BCO2: variants seen among roughly 807,000 people sequenced by gnomAD.
The protein encoded by BCO2 is carotenoid-cleaving dioxygenase, mitochondrial.
A neutral mutation model predicts 65.8 loss-of-function variants in BCO2; 56 were observed. The ratio of observed to expected loss-of-function variants is 0.85; its 90% confidence interval spans 0.69 to 1.06. BCO2 has a LOEUF of 1.06. Ranked by LOEUF, BCO2 falls within the 50% of genes least tolerant of loss-of-function variation. The probability of loss-of-function intolerance (pLI) is 0.00; values close to 1 mark genes in which losing one functional copy is unlikely to be tolerated. For synonymous variants in BCO2, 233 were observed against 242.3 expected (o/e 0.96, Z 0.36); for missense variants, 675 against 698.5 (o/e 0.97, Z 0.38).
intron 2 of BCO2, among the ~76,000 whole-genome samples, chr11:112,180,115 T>A (rs553960212): frequency 6.6e-6 from 1 of 152,364 alleles, no homozygotes; most frequent in South Asian, 2.1e-4. Context: ...GCTTTTAACC[T>A]ACATATATCC....
chr11:112,210,756 GCA>G (rs34029146), intron 8 of BCO2, among the ~76,000 whole-genome samples: 16,652 of 148,102 alleles, frequency 0.11, 1,143 homozygotes, highest in East Asian at 0.32. Flanking sequence ...CTAAATACAC[GCA>G]CACACACACA....
chr11:112,184,305 T>G (rs1592837522), intron 2 of BCO2, among the ~76,000 whole-genome samples: 1 of 150,158 alleles, frequency 6.7e-6, no homozygotes, highest in East Asian at 2.0e-4. Context: ...CAGGCTGGAG[T>G]GCAGTGGTGC....
chr11:112,212,841 A>G (rs1385606673), intron 8 of BCO2, among the ~76,000 whole-genome samples: 1 of 152,230 alleles, frequency 6.6e-6, no homozygotes, highest in Non-Finnish European at 1.5e-5. Flanking sequence ...AGCATAAACT[A>G]TCTGGACAAA....
chr11:112,209,772 A>C (rs979125913), intron 8 of BCO2, among the ~76,000 whole-genome samples: 1 of 152,164 alleles, frequency 6.6e-6, no homozygotes, highest in African/African-American at 2.4e-5. Context: ...TTGATTTTTG[A>C]ATGTTAAGCT....
At chr11:112,198,211 A>G (rs940693648) in intron 5 of BCO2, among the ~76,000 whole-genome samples, 6 of 152,050 alleles carry the variant, frequency 3.9e-5, no homozygotes, top group African/African-American at 1.4e-4. Flanking sequence ...TAATCACAGC[A>G]CTTTGGGAAG....
intron 8 of BCO2, among the ~76,000 whole-genome samples, chr11:112,205,738 T>TGCATG (rs996573439): frequency 2.6e-5 from 4 of 152,160 alleles, no homozygotes; most frequent in South Asian, 2.1e-4. Flanking sequence ...GGATTACAGG[T>TGCATG]GCATGGCACC....
At chr11:112,190,231 C>G (rs1404831817) in intron 2 of BCO2, among the ~76,000 whole-genome samples, 1 of 152,108 alleles carries the variant, frequency 6.6e-6, no homozygotes, top group Non-Finnish European at 1.5e-5. Flanking sequence ...ATGCAGTGAG[C>G]TATGACAGTG....
At chr11:112,192,629 A>C (rs1051819570) in intron 2 of BCO2, among the ~76,000 whole-genome samples, 1 of 151,598 alleles carries the variant, frequency 6.6e-6, no homozygotes, top group Non-Finnish European at 1.5e-5. Context: ...ATAAGATATG[A>C]AGATAACTAT....
Position 112,193,502 on chromosome 11 carries a change from C to A in BCO2, c.322C>A (p.Leu108Met), listed in dbSNP as rs1392063348. Residue 108 changes from leucine (L) to methionine (M), a missense_variant, in exon 3 of 12, where the codon CTG becomes ATG. Physicochemically the swap from Leu to Met is conservative, Grantham distance 15. Coordinates refer to ENST00000357685, the MANE Select transcript of BCO2 (RefSeq NM_031938.7). ...CAATCATTGGTTTGATGGGATGGCGCTGCTTCACCAGTTCAGAATGGCAAA... is the reference window on the plus strand; with the variant it reads ...CAATCATTGGTTTGATGGGATGGCGATGCTTCACCAGTTCAGAATGGCAAA... Reference protein sequence around the residue: ...KYNHWFDGMALLHQFRMAKGT... With the variant: ...KYNHWFDGMAMLHQFRMAKGT... The A allele has an allele frequency of 6.2e-7, 1 of 1,614,104 alleles. No individual in the cohort carries two copies. Among genetic ancestry groups the A allele is most frequent in the Non-Finnish European group, 8.5e-7 (1 of 1,180,028 alleles).
At chr11:112,191,097 A>G (rs554079585) in intron 2 of BCO2, among the ~76,000 whole-genome samples, 1 of 151,806 alleles carries the variant, frequency 6.6e-6, no homozygotes, top group South Asian at 2.1e-4. Context: ...GATGGTCAGT[A>G]TCTTCACTAC....
intron 5 of BCO2, 123 bp from the exon 6 acceptor site, chr11:112,199,576 A>G: frequency 1.3e-6 from 1 of 774,584 alleles, no homozygotes; most frequent in Non-Finnish European, 2.1e-6. Flanking sequence ...CCTTCAGGAA[A>G]TAAGAGTGTC....
At chr11:112,181,150 G>C in intron 2 of BCO2, 1 of 1,233,626 alleles carries the variant, frequency 8.1e-7, no homozygotes. Context: ...AAGGTGTCTG[G>C]GGAAGTAAGC....
rs1325568521 is a variant in BCO2 at position 112,175,631 on chromosome 11, C to T, written c.30C>T (p.Ile10=). ...TTTTTCGAGTCTTTCTCCATTTTATCAGGAGTCATTCTGCCACTGCAGTGG... is the reference window on the plus strand; with the variant it reads ...TTTTTCGAGTCTTTCTCCATTTTATTAGGAGTCATTCTGCCACTGCAGTGG... The part of the protein sequence containing the change: MFFRVFLHF[I]RSHSATAVDF... Residue 10 remains isoleucine, a synonymous_variant, in exon 1 of 12, where the codon ATC becomes ATT. Transcript: ENST00000357685. 2.5e-6 allele frequency: 4 copies of T among 1,614,010 alleles called. No homozygotes were observed.
intron 2 of BCO2, among the ~76,000 whole-genome samples, chr11:112,190,306 A>G (rs948815494): frequency 6.6e-6 from 1 of 152,180 alleles, no homozygotes; most frequent in South Asian, 2.1e-4. Context: ...TACAAAATAT[A>G]TAATACTAAT....
intron 5 of BCO2, among the ~76,000 whole-genome samples, chr11:112,196,405 A>T (rs1475408313): frequency 6.6e-6 from 1 of 152,202 alleles, no homozygotes; most frequent in Non-Finnish European, 1.5e-5. Flanking sequence ...AATGCTTGCT[A>T]GTAATTGCTA....
At chr11:112,178,622 T>A (rs1866947113) in intron 1 of BCO2, among the ~76,000 whole-genome samples, 1 of 152,246 alleles carries the variant, frequency 6.6e-6, no homozygotes, top group African/African-American at 2.4e-5. Context: ...TTTCAGTTCC[T>A]TATTATACAA....
chr11:112,187,369 TG>T (rs757310009), intron 2 of BCO2, among the ~76,000 whole-genome samples: 18 of 151,896 alleles, frequency 1.2e-4, no homozygotes, highest in Non-Finnish European at 2.1e-4. Flanking sequence ...GGCCCAGTCC[TG>T]CTGAGCAGGT....
intron 2 of BCO2, among the ~76,000 whole-genome samples, chr11:112,190,395 A>G (rs1056781730): frequency 6.6e-6 from 1 of 152,252 alleles, no homozygotes; most frequent in Non-Finnish European, 1.5e-5. Flanking sequence ...ATCAGGTGGG[A>G]TTAATTTCAA....
intron 8 of BCO2, among the ~76,000 whole-genome samples, chr11:112,211,256 A>T (rs1476537640): frequency 2.6e-5 from 4 of 151,872 alleles, no homozygotes; most frequent in African/African-American, 9.7e-5. Context: ...TTCAAAGTTC[A>T]TCTATGTTGT....
Sources: allele counts gnomAD v4.1 joint callset (sites outside exome capture counted in the v4.1 genomes callset), GRCh38; gene constraint gnomAD v4.1.1; transcripts MANE v1.5; gene names NCBI Gene and HGNC (gene_info 2026-07-23, HGNC 2026-07-21).